FTO: variants seen among roughly 807,000 people sequenced by gnomAD.
The protein encoded by FTO is alpha-ketoglutarate-dependent dioxygenase FTO.
FTO carries 47 observed loss-of-function variants against 63.9 expected under a neutral mutation model. The ratio of observed to expected loss-of-function variants is 0.74; its 90% CI spans 0.58 to 0.94. FTO has a LOEUF of 0.94. FTO is among the 40% of genes least tolerant of loss of function. The probability of loss-of-function intolerance (pLI) is 0.00; values close to 1 mark genes in which losing one functional copy is unlikely to be tolerated. For missense variants in FTO, 562 were observed against 618.1 expected (o/e 0.91, Z 0.96); for synonymous variants, 207 against 224.4 (o/e 0.92, Z 0.69).
chr16:53,871,723 TC>T, intron 4 of FTO, among the ~76,000 whole-genome samples: 1 of 151,972 alleles, frequency 6.6e-6, no homozygotes, highest in Admixed American at 6.6e-5. Context: ...AGAAGTTGGA[TC>T]CTTTTTTTTT....
At chr16:54,093,610 A>G (rs777893775) in intron 8 of FTO, among the ~76,000 whole-genome samples, 11 of 152,210 alleles carry the variant, frequency 7.2e-5, no homozygotes, top group Non-Finnish European at 1.2e-4. Context: ...GGAGCTGGAA[A>G]GGTGACTTGT....
chr16:53,963,156 A>G (rs2083120339), intron 8 of FTO, among the ~76,000 whole-genome samples: 1 of 152,176 alleles, frequency 6.6e-6, no homozygotes, highest in Non-Finnish European at 1.5e-5. Flanking sequence ...TTGGTATTTG[A>G]GGATCCTAAT....
chr16:54,094,149 A>G (rs1457285337), intron 8 of FTO, among the ~76,000 whole-genome samples: 5 of 152,204 alleles, frequency 3.3e-5, no homozygotes, highest in African/African-American at 1.2e-4. Context: ...ACAGTAAGTA[A>G]TAAATAGATA....
intron 4 of FTO, among the ~76,000 whole-genome samples, chr16:53,862,249 A>C (rs574416495): frequency 2.0e-5 from 3 of 152,234 alleles, no homozygotes; most frequent in East Asian, 3.9e-4. Context: ...TTCATCTCAA[A>C]AAACAAACAA....
intron 4 of FTO, among the ~76,000 whole-genome samples, chr16:53,847,358 G>A (rs886932036): frequency 1.8e-4 from 27 of 152,276 alleles, no homozygotes; most frequent in African/African-American, 6.5e-4. Flanking sequence ...TGATGCCTCC[G>A]CCTCACCTAA....
At chr16:54,067,939 T>C (rs2085773037) in intron 8 of FTO, among the ~76,000 whole-genome samples, 1 of 152,156 alleles carries the variant, frequency 6.6e-6, no homozygotes, top group African/African-American at 2.4e-5. Flanking sequence ...ACTGACGGGC[T>C]GTCACTCAGT....
intron 1 of FTO, among the ~76,000 whole-genome samples, chr16:53,734,320 G>T (rs1355978293): frequency 2.6e-5 from 4 of 152,156 alleles, no homozygotes; most frequent in Non-Finnish European, 5.9e-5. Context: ...TAGATTCCTA[G>T]CACTGTCATT....
chr16:53,982,134 AG>A (rs1215620105), intron 8 of FTO, among the ~76,000 whole-genome samples: 1 of 152,060 alleles, frequency 6.6e-6, no homozygotes, highest in Non-Finnish European at 1.5e-5. Flanking sequence ...CTCCATCCTA[AG>A]CCTTAGAGAA....
chr16:54,014,944 C>T (rs1266512636), intron 8 of FTO, among the ~76,000 whole-genome samples: 2 of 148,420 alleles, frequency 1.3e-5, no homozygotes, highest in East Asian at 4.1e-4. Context: ...CAGCCTCCAA[C>T]TCCTAGCCCC....
At chr16:53,822,660 T>C (rs1567328533) in intron 2 of FTO, among the ~76,000 whole-genome samples, 1 of 152,202 alleles carries the variant, frequency 6.6e-6, no homozygotes, top group Non-Finnish European at 1.5e-5. Flanking sequence ...TGTTTTATAA[T>C]AATATTCATA....
intron 6 of FTO, among the ~76,000 whole-genome samples, chr16:53,880,983 A>G (rs1033744318): frequency 1.3e-5 from 2 of 148,888 alleles, no homozygotes; most frequent in African/African-American, 4.9e-5. Context: ...TTAGCTGGGC[A>G]TGGTGGCGGG....
chr16:54,105,048 G>A (rs537719782), intron 8 of FTO, among the ~76,000 whole-genome samples: 162 of 152,228 alleles, frequency 1.1e-3, no homozygotes, highest in African/African-American at 3.8e-3. Flanking sequence ...CACATAACCC[G>A]GTAAAGCAGA....
At chr16:53,839,205 T>C (rs1459224899) in intron 3 of FTO, among the ~76,000 whole-genome samples, 2 of 152,240 alleles carry the variant, frequency 1.3e-5, no homozygotes, top group Non-Finnish European at 1.5e-5. Context: ...TCACATCTTC[T>C]ACTTATTTAA....
intron 7 of FTO, among the ~76,000 whole-genome samples, chr16:53,915,306 A>G (rs1408688025): frequency 2.0e-5 from 3 of 152,192 alleles, no homozygotes; most frequent in Non-Finnish European, 2.9e-5. Context: ...ACCTGTTACT[A>G]TAGTGAACCA....
chr16:53,957,112 A>G (rs763848693), intron 8 of FTO, among the ~76,000 whole-genome samples: 1 of 152,150 alleles, frequency 6.6e-6, no homozygotes, highest in Non-Finnish European at 1.5e-5. Context: ...TCTTTTTTCA[A>G]TTGAGGGCAT....
rs543747218 is a variant in FTO, at chr16:54,082,191, A to G, written c.1365-29571A>G. Among the ~76,000 whole-genome samples, 3 of 152,320 alleles carry G rather than the reference A, an allele frequency of 2.0e-5. No homozygotes were observed. The South Asian group carries it at 6.2e-4, about 32-fold the overall frequency. ...GTGAAATTCTATTTAAACTGTTGAA[A>G]TGAGGGTGGTGTCACTCTCTCCAAA... On this transcript the variant is annotated intron_variant, in intron 8 of 8. Coordinates refer to ENST00000471389, the MANE Select transcript of FTO (RefSeq NM_001080432.3).
rs368137441 is a variant in FTO at position 53,846,647 on chromosome 16, A to G, written c.895+2349A>G. 1.2e-3 allele frequency among the ~76,000 whole-genome samples: 190 copies of G among 152,056 alleles called. 1 individual carries two copies. In the South Asian group the frequency reaches 0.019, roughly 15 times the overall value. On this transcript the variant is annotated intron_variant, in intron 4 of 8. Transcript: ENST00000471389. ...GAAACCCCCCGTCTCCACTAAAAAT[A>G]AAAAATTAGCTGGGTGTGGTGGCAC...
chr16:54,061,601 G>C (rs1248141847), intron 8 of FTO: 2 of 123,624 alleles, frequency 1.6e-5, no homozygotes, highest in Non-Finnish European at 3.2e-5. Flanking sequence ...ACTGGCATGT[G>C]TGTTTGTGTG....
At chr16:54,055,495 A>C (rs537224670) in intron 8 of FTO, among the ~76,000 whole-genome samples, 1 of 152,304 alleles carries the variant, frequency 6.6e-6, no homozygotes, top group East Asian at 1.9e-4. Flanking sequence ...TTAGTGTTGA[A>C]ACACTGAGAT....
Sources: allele counts gnomAD v4.1 joint callset (sites outside exome capture counted in the v4.1 genomes callset), GRCh38; gene constraint gnomAD v4.1.1; transcripts MANE v1.5; gene names NCBI Gene and HGNC (gene_info 2026-07-23, HGNC 2026-07-21).